The following R3HDM2 variants were observed in gnomAD, a reference collection of about 807,000 sequenced individuals.
R3HDM2 encodes the protein R3H domain containing 2, also known as R3H domain-containing protein 2.
R3HDM2 carries 38 observed loss-of-function variants against 124.5 expected under a neutral mutation model. The observed-to-expected ratio is 0.31, with a 90% CI of 0.24 to 0.40. R3HDM2 has a LOEUF of 0.40. R3HDM2 is among the 10% of genes least tolerant of loss of function. The pLI, the probability that R3HDM2 is intolerant of heterozygous loss-of-function variation, is 1.00. For missense variants in R3HDM2, 869 were observed against 1,236.9 expected (o/e 0.70, Z 4.46); for synonymous variants, 391 against 448.0 (o/e 0.87, Z 1.61).
intron 2 of R3HDM2, among the ~76,000 whole-genome samples, chr12:57,316,582 CTTTTTTT>C (rs761496804): frequency 1.0e-5 from 1 of 100,124 alleles, no homozygotes; most frequent in Non-Finnish European, 2.0e-5. Context: ...TGCATCCATC[CTTTTTTT>C]TTTTTTTTTT....
intron 11 of R3HDM2, among the ~76,000 whole-genome samples, chr12:57,290,530 A>G (rs1479337668): frequency 6.6e-6 from 1 of 152,270 alleles, no homozygotes; most frequent in African/African-American, 2.4e-5. Context: ...TAGGCCTAGT[A>G]TGAGGACTGA....
At chr12:57,428,519 T>C (rs1018777036) in intron 1 of R3HDM2, among the ~76,000 whole-genome samples, 1 of 7,062 alleles carries the variant, frequency 1.4e-4, no homozygotes, top group African/African-American at 5.4e-4. Context: ...GGGGGCGTGG[T>C]GGGGGGGCAC....
chr12:57,373,781 C>A, intron 2 of R3HDM2, among the ~76,000 whole-genome samples: 1 of 151,252 alleles, frequency 6.6e-6, no homozygotes, highest in South Asian at 2.1e-4. Flanking sequence ...CCATTGCACT[C>A]CAGTCTGGGC....
At chr12:57,256,308 T>C (rs2038982683) in intron 22 of R3HDM2, 106 bp downstream of exon 22, 1 of 1,043,330 alleles carries the variant, frequency 9.6e-7, no homozygotes, top group African/African-American at 1.6e-5. Context: ...GCTTTGTTCA[T>C]TCTGTGTTAT....
At chr12:57,338,018 G>A (rs923745494) in intron 2 of R3HDM2, among the ~76,000 whole-genome samples, 2 of 152,056 alleles carry the variant, frequency 1.3e-5, no homozygotes, top group South Asian at 2.1e-4. Flanking sequence ...GAAAAAACAC[G>A]CATGGCCGGG....
chr12:57,353,364 C>T (rs2137302782), intron 2 of R3HDM2, among the ~76,000 whole-genome samples: 1 of 152,214 alleles, frequency 6.6e-6, no homozygotes, highest in South Asian at 2.1e-4. Flanking sequence ...ATAAATTCAT[C>T]TTCTCCTAGG....
intron 2 of R3HDM2, among the ~76,000 whole-genome samples, chr12:57,383,972 G>A (rs34453452): frequency 0.37 from 56,056 of 152,012 alleles, 11,757 homozygotes; most frequent in Middle Eastern, 0.75. Context: ...GCCATGCAGG[G>A]AGCAGGTATC....
At chr12:57,430,489 G>GCCCCCCCCCCCCCCCCCC in intron 1 of R3HDM2, 3 of 790,578 alleles carry the variant, frequency 3.8e-6, no homozygotes, top group Non-Finnish European at 3.1e-6. Context: ...CCACCCCCCT[G>GCCCCCCCCCCCCCCCCCC]CCCCCGCACC....
chr12:57,360,477 AT>A (rs1191198009), intron 2 of R3HDM2, among the ~76,000 whole-genome samples: 6 of 151,744 alleles, frequency 4.0e-5, no homozygotes, highest in Admixed American at 1.3e-4. Context: ...TCTAAAAAAA[AT>A]TTTTTTTTAA....
chr12:57,381,808 T>C (rs936323017), intron 2 of R3HDM2, among the ~76,000 whole-genome samples: 1 of 149,138 alleles, frequency 6.7e-6, no homozygotes, highest in South Asian at 2.1e-4. Context: ...GGGATAGAGA[T>C]AGAGAGAGAG....
chr12:57,379,776 T>C (rs2064590136), intron 2 of R3HDM2, among the ~76,000 whole-genome samples: 2 of 152,082 alleles, frequency 1.3e-5, no homozygotes, highest in Admixed American at 1.3e-4. Flanking sequence ...TAAGCCTATA[T>C]ATGTAATATA....
intron 7 of R3HDM2, 102 bp downstream of exon 7, chr12:57,297,988 A>T (rs569576325): frequency 2.5e-6 from 2 of 787,086 alleles, no homozygotes; most frequent in Admixed American, 2.0e-5. Flanking sequence ...GAAGATGAGC[A>T]TCCTAGATTC....
intron 13 of R3HDM2, among the ~76,000 whole-genome samples, chr12:57,282,615 G>C (rs916563813): frequency 6.6e-6 from 1 of 151,918 alleles, no homozygotes; most frequent in Non-Finnish European, 1.5e-5. Context: ...AGCTGTGATG[G>C]TGCAACTGCA....
At chr12:57,347,622 A>G (rs748438685) in intron 2 of R3HDM2, among the ~76,000 whole-genome samples, 2 of 152,216 alleles carry the variant, frequency 1.3e-5, no homozygotes, top group African/African-American at 2.4e-5. Context: ...GTCCAAATAC[A>G]TTTTTAAAAA....
At chr12:57,430,601 C>G (rs1384331961) in intron 1 of R3HDM2, 119 bp downstream of exon 1, 8 of 984,734 alleles carry the variant, frequency 8.1e-6, no homozygotes, top group Non-Finnish European at 9.6e-6. Flanking sequence ...CCGGGACCGG[C>G]TGCCGGGCGC....
At chr12:57,263,076 A>G (rs2041289649) in intron 19 of R3HDM2, among the ~76,000 whole-genome samples, 2 of 152,212 alleles carry the variant, frequency 1.3e-5, no homozygotes, top group African/African-American at 4.8e-5. Flanking sequence ...GTTTTAGTTT[A>G]CTTAAATTAA....
At chr12:57,303,030 C>A in intron 4 of R3HDM2, 146 bp downstream of exon 4, 1 of 715,924 alleles carries the variant, frequency 1.4e-6, no homozygotes, top group South Asian at 1.7e-5. Context: ...TGTATGCACA[C>A]TTACGCAGGT....
intron 1 of R3HDM2, among the ~76,000 whole-genome samples, chr12:57,396,605 C>T (rs1270480284): frequency 7.9e-5 from 12 of 151,682 alleles, no homozygotes; most frequent in Admixed American, 2.0e-4. Context: ...GGTGAAACCC[C>T]GTCTCTACTG....
At position 57,258,010 on chromosome 12, in the gene R3HDM2, C is replaced by CG; in HGVS notation, c.2428dup (p.Arg810ProfsTer9). The CG allele has an allele frequency of 6.4e-7, 1 of 1,569,906 alleles. No homozygotes were observed. The highest frequency in any genetic ancestry group is 1.2e-5 in the South Asian group (1 of 84,326). On this transcript the variant is annotated frameshift_variant, in exon 21 of 24. Coordinates refer to ENST00000402412, the MANE Select transcript of R3HDM2 (RefSeq NM_001394031.1). LOFTEE classifies it high-confidence loss of function. Reference sequence around the variant, plus strand: ...CCTACCCTGTGCTGGACCCCCAGGCCGGGGGAACTGTGTGAGGACAGGCAG... The same window carrying CG: ...CCTACCCTGTGCTGGACCCCCAGGCCGGGGGGAACTGTGTGAGGACAGGCAG...
Sources: gnomAD v4.1 joint callset for allele counts (sites outside exome capture counted in the v4.1 genomes callset) on GRCh38, gnomAD v4.1.1 for gene constraint, MANE v1.5 for transcripts, NCBI Gene and HGNC (gene_info 2026-07-23, HGNC 2026-07-21) for gene names.